Variants in LGR6 observed in about 807,000 individuals in gnomAD.
The protein encoded by LGR6 is leucine-rich repeat-containing G protein-coupled receptor 6.
In LGR6, 45 loss-of-function variants were observed where a neutral mutation model predicts 69.4. The ratio of observed to expected loss-of-function variants is 0.65; its 90% CI spans 0.51 to 0.83. The LOEUF is 0.83. Ranked by LOEUF, LGR6 falls within the 40% of genes least tolerant of loss-of-function variation. LGR6 has a pLI of 0.00. For synonymous variants in LGR6, 538 were observed against 555.0 expected (o/e 0.97, Z 0.43); for missense variants, 1,108 against 1,246.7 (o/e 0.89, Z 1.68).
chr1:202,227,105 T>A (rs959679305), intron 2 of LGR6, among the ~76,000 whole-genome samples: 6 of 152,200 alleles, frequency 3.9e-5, no homozygotes, highest in African/African-American at 1.4e-4. Context: ...GATGTCACGA[T>A]GCCTTTCCAC....
At chr1:202,213,131 C>CTGGT (rs1358413851) in intron 1 of LGR6, among the ~76,000 whole-genome samples, 1 of 152,188 alleles carries the variant, frequency 6.6e-6, no homozygotes, top group Non-Finnish European at 1.5e-5. Flanking sequence ...TCTGCATAAA[C>CTGGT]TGGTTCTGGC....
chr1:202,310,472 A>G (rs1485280963), intron 16 of LGR6, 115 bp downstream of exon 16: 4 of 1,043,116 alleles, frequency 3.8e-6, no homozygotes, highest in Middle Eastern at 3.1e-4. Context: ...GGGAAGCCCT[A>G]CAGAGGTGGG....
intron 9 of LGR6, among the ~76,000 whole-genome samples, chr1:202,301,759 G>C (rs952149873): frequency 6.6e-6 from 1 of 152,124 alleles, no homozygotes; most frequent in Non-Finnish European, 1.5e-5. Flanking sequence ...GCTCACTCCT[G>C]TAATCCCACC....
chr1:202,222,041 C>G (rs146926499), intron 1 of LGR6, among the ~76,000 whole-genome samples: 117 of 152,348 alleles, frequency 7.7e-4, no homozygotes, highest in African/African-American at 2.7e-3. Context: ...CTCCCCACAG[C>G]AGGGCCCAGT....
Position 202,318,363 on chromosome 1 carries a change from G to A in LGR6, c.2060G>A (p.Arg687Gln), listed in dbSNP as rs758190392. Residue 687 changes from arginine (R) to glutamine (Q), a missense_variant, in exon 18 of 18, where the codon CGA becomes CAA. Arg to Gln is a conservative substitution (Grantham distance 43). Transcript: ENST00000367278. Reference protein sequence around the residue: ...YGKSPSLGSVRAGVLGCLALA... With the variant: ...YGKSPSLGSVQAGVLGCLALA... ...AAGTCCCCCTCCCTGGGCAGCGTTC[G>A]AGCAGGGGTCCTAGGCTGCCTGGCA... is the stretch of plus-strand genomic sequence containing the variant. 3.1e-6 allele frequency: 5 copies of A among 1,601,298 alleles called. No homozygotes were observed. The highest frequency in any genetic ancestry group is 1.7e-5 in the Admixed American group (1 of 59,050).
intron 1 of LGR6, among the ~76,000 whole-genome samples, chr1:202,207,410 C>T (rs1000972486): frequency 6.6e-6 from 1 of 152,082 alleles, no homozygotes; most frequent in Non-Finnish European, 1.5e-5. Flanking sequence ...TTGGCCTGAG[C>T]GTGGCATCTG....
At chr1:202,298,745 C>T (rs1158907156) in intron 7 of LGR6, 1 of 151,654 alleles carries the variant, frequency 6.6e-6, no homozygotes, top group African/African-American at 2.4e-5. Flanking sequence ...TGGTCTCTAT[C>T]TCTTGACTTC....
chr1:202,299,963 C>G (rs1027785014), intron 7 of LGR6, among the ~76,000 whole-genome samples: 7 of 152,232 alleles, frequency 4.6e-5, no homozygotes, highest in African/African-American at 1.7e-4. Flanking sequence ...CAGCTGGGTG[C>G]CTCAGTCCTC....
intron 17 of LGR6, among the ~76,000 whole-genome samples, chr1:202,317,604 C>A (rs990268043): frequency 3.9e-5 from 6 of 152,122 alleles, no homozygotes; most frequent in Non-Finnish European, 8.8e-5. Context: ...CCTCAGCCTC[C>A]GGAAGTGCTG....
At chr1:202,283,787 C>T (rs1666197045) in intron 6 of LGR6, among the ~76,000 whole-genome samples, 1 of 152,238 alleles carries the variant, frequency 6.6e-6, no homozygotes, top group African/African-American at 2.4e-5. Context: ...CAGCCCCACC[C>T]CACAACCCAG....
chr1:202,234,215 G>A (rs1661330133), intron 3 of LGR6, among the ~76,000 whole-genome samples: 1 of 152,184 alleles, frequency 6.6e-6, no homozygotes, highest in Non-Finnish European at 1.5e-5. Context: ...TCCCTTGTAT[G>A]GCCCTTGCCC....
At position 202,319,253 on chromosome 1, in the gene LGR6, T is replaced by TC. The variant is rs1190958507; in HGVS notation, c.*51dup. The TC allele has an allele frequency of 6.7e-7, 1 of 1,495,036 alleles. No homozygotes were observed. Among genetic ancestry groups the TC allele is most frequent in the South Asian group, 1.4e-5 (1 of 73,544 alleles). 92.6% of individuals were successfully genotyped at this position (1,495,036 alleles called of 1,614,324 possible). ...CTTCCCCTCTCTTCCCTTTCCTCTC[T>TC]CCCCCTCGGTGAATGATGGCTGCTT... On this transcript the variant is annotated 3_prime_UTR_variant, in exon 18 of 18. Transcript: ENST00000367278.
chr1:202,233,952 A>C (rs911285306), intron 3 of LGR6, among the ~76,000 whole-genome samples: 1 of 152,236 alleles, frequency 6.6e-6, no homozygotes, highest in Admixed American at 6.5e-5. Flanking sequence ...GATGTGGATC[A>C]GGGCTGTCTG....
intron 1 of LGR6, among the ~76,000 whole-genome samples, chr1:202,204,069 G>T (rs1322677731): frequency 6.6e-6 from 1 of 152,046 alleles, no homozygotes; most frequent in Non-Finnish European, 1.5e-5. Context: ...CTTGTGGACA[G>T]GAGCTGTGTT....
chr1:202,221,190 A>C (rs1249626020), intron 1 of LGR6, among the ~76,000 whole-genome samples: 1 of 151,940 alleles, frequency 6.6e-6, no homozygotes, highest in Non-Finnish European at 1.5e-5. Context: ...CATAGGAAAA[A>C]TTCAAACAGA....
chr1:202,219,209 G>A (rs1468003950), intron 1 of LGR6, among the ~76,000 whole-genome samples: 1 of 152,190 alleles, frequency 6.6e-6, no homozygotes, highest in Non-Finnish European at 1.5e-5. Flanking sequence ...TTTTTCAGTG[G>A]GAGAGAACCC....
chr1:202,310,453 A>G, intron 16 of LGR6, 96 bp downstream of exon 16: 1 of 1,233,762 alleles, frequency 8.1e-7, no homozygotes, highest in Non-Finnish European at 1.1e-6. Context: ...ATCTGACAGC[A>G]GCTGCAGAGG....
At chr1:202,233,888 G>A (rs568474961) in intron 3 of LGR6, among the ~76,000 whole-genome samples, 34 of 152,256 alleles carry the variant, frequency 2.2e-4, no homozygotes, top group South Asian at 1.9e-3. Flanking sequence ...ACTAAGGCCC[G>A]CGGTTCTTAA....
chr1:202,277,277 G>A lies in LGR6; in HGVS notation c.644+756G>A, dbSNP rs565703771. 8.7e-4 allele frequency among the ~76,000 whole-genome samples: 132 copies of A among 152,262 alleles called. 5 individuals carry two copies. The South Asian group carries it at 0.026, about 30-fold the overall frequency. On this transcript the variant is annotated intron_variant, in intron 5 of 17. Coordinates refer to ENST00000367278, the MANE Select transcript of LGR6 (RefSeq NM_001017403.2). ...CGCCCCCCGCTTTTGAAGATCTGGC[G>A]TGATTTTCTAAACCAGGGAATGGAT... is the stretch of plus-strand genomic sequence containing the variant.
Sources: allele counts gnomAD v4.1 joint callset (sites outside exome capture counted in the v4.1 genomes callset), GRCh38; gene constraint gnomAD v4.1.1; transcripts MANE v1.5; gene names NCBI Gene and HGNC (gene_info 2026-07-23, HGNC 2026-07-21).